The following BLK variants were observed in gnomAD, a reference collection of about 807,000 sequenced individuals.
BLK encodes tyrosine-protein kinase Blk.
Under a neutral mutation model 61.8 loss-of-function variants are expected in BLK, and 64 were observed. The ratio of observed to expected loss-of-function variants is 1.03; its 90% CI spans 0.85 to 1.27. The LOEUF is 1.27. Among genes scored for constraint, BLK ranks in the 50% most tolerant of loss-of-function variants. The pLI is 0.00. For missense variants in BLK, 853 were observed against 660.5 expected, an observed-to-expected ratio of 1.29 and a Z score of -3.19; for synonymous variants, 351 against 272.0, an observed-to-expected ratio of 1.29 and a Z score of -2.86.
At chr8:11,532,427 T>A (rs1799927882) in intron 1 of BLK, among the ~76,000 whole-genome samples, 1 of 150,512 alleles carries the variant, frequency 6.6e-6, no homozygotes, top group African/African-American at 2.4e-5. Flanking sequence ...GCCAGGCTGG[T>A]CTCGAACTCC....
chr8:11,535,520 C>T (rs1467957628), intron 1 of BLK, among the ~76,000 whole-genome samples: 2 of 152,190 alleles, frequency 1.3e-5, no homozygotes, highest in African/African-American at 4.8e-5. Flanking sequence ...GGGAGTGTGC[C>T]TGGTATTTTT....
intron 1 of BLK, among the ~76,000 whole-genome samples, chr8:11,541,016 A>G (rs1210685844): frequency 6.6e-6 from 1 of 152,210 alleles, no homozygotes; most frequent in African/African-American, 2.4e-5. Flanking sequence ...CTGCAATCCC[A>G]GTACTTTGGG....
chr8:11,535,088 G>A (rs1563102038), intron 1 of BLK, among the ~76,000 whole-genome samples: 1 of 151,924 alleles, frequency 6.6e-6, no homozygotes, highest in Non-Finnish European at 1.5e-5. Flanking sequence ...TGAGGTGGGA[G>A]GATCACTTGA....
Position 11,562,969 on chromosome 8 carries a change from T to G in BLK, c.1181-10T>G. 6.2e-7 allele frequency: 1 copy of G among 1,613,948 alleles called. No homozygotes were observed. ...GTGGCCTCCCAAAGCTTGCATGGCT[T>G]TTCCCACAGGGGCCAAGTTCCCCAT... On this transcript the variant is annotated splice_polypyrimidine_tract_variant and intron_variant, in intron 11 of 12. Transcript: ENST00000259089.
At chr8:11,529,555 G>T (rs1009783403) in intron 1 of BLK, among the ~76,000 whole-genome samples, 22 of 152,238 alleles carry the variant, frequency 1.4e-4, no homozygotes, top group African/African-American at 4.6e-4. Flanking sequence ...TGGGGGGTGG[G>T]AGATCAGAAT....
intron 1 of BLK, among the ~76,000 whole-genome samples, chr8:11,539,397 C>G (rs569720418): frequency 6.6e-6 from 1 of 151,732 alleles, no homozygotes; most frequent in Non-Finnish European, 1.5e-5. Context: ...ATTTATTCAA[C>G]AAGTCTTCAA....
chr8:11,525,852 C>G (rs979676938), intron 1 of BLK, among the ~76,000 whole-genome samples: 1 of 152,148 alleles, frequency 6.6e-6, no homozygotes, highest in Non-Finnish European at 1.5e-5. Context: ...TCAAGCGATT[C>G]TCCTGCCTTA....
At chr8:11,543,622 G>C (rs1800489963) in intron 2 of BLK, among the ~76,000 whole-genome samples, 1 of 152,160 alleles carries the variant, frequency 6.6e-6, no homozygotes. Context: ...CGTAAGGAAG[G>C]ATCCGGGTAT....
chr8:11,542,440 G>C (rs565807776), intron 1 of BLK, among the ~76,000 whole-genome samples: 2 of 152,316 alleles, frequency 1.3e-5, no homozygotes, highest in East Asian at 3.9e-4. Flanking sequence ...GGAGTGCAGT[G>C]GTCTCAGGTC....
chr8:11,516,963 T>A lies in BLK; in HGVS notation c.-2+22372T>A, dbSNP rs545886917. Among the ~76,000 whole-genome samples the A allele has an allele frequency of 2.6e-5, 4 of 152,354 alleles. No homozygotes were observed. The East Asian group carries it at 7.7e-4, about 29-fold the overall frequency. The stretch of plus-strand genomic sequence containing the variant: ...CCAGAACTGGCATTGCTGGATCATA[T>A]GGTAATTCTATGTTTAATTTGTCGA... On this transcript the variant is annotated intron_variant, in intron 1 of 12. Transcript: ENST00000259089.
chr8:11,497,445 G>A (rs1269566851), intron 1 of BLK, among the ~76,000 whole-genome samples: 1 of 152,102 alleles, frequency 6.6e-6, no homozygotes, highest in African/African-American at 2.4e-5. Context: ...CAGTCACAGT[G>A]CCCAAGCCCA....
In BLK at chr8:11,531,261, C is replaced by T. The variant is rs148441955; in HGVS notation, c.-1-11963C>T. ...AATGTCCTGCCTGTCTCTGATTTAG[C>T]TATTTCTTTTCTTAATGGTGTTTTT... On this transcript the variant is annotated intron_variant, in intron 1 of 12. Transcript: ENST00000259089. Among the ~76,000 whole-genome samples the T allele has an allele frequency of 3.4e-3, 518 of 152,200 alleles. 1 individual carries two copies. The highest frequency in any genetic ancestry group is 5.2e-3 in the African/African-American group (214 of 41,530).
intron 1 of BLK, among the ~76,000 whole-genome samples, chr8:11,510,725 C>T (rs540963158): frequency 6.6e-6 from 1 of 151,704 alleles, no homozygotes; most frequent in East Asian, 1.9e-4. Context: ...ATATATTATC[C>T]CCGGGATAGC....
intron 1 of BLK, among the ~76,000 whole-genome samples, chr8:11,518,417 C>T (rs1799310685): frequency 6.6e-6 from 1 of 152,198 alleles, no homozygotes; most frequent in South Asian, 2.1e-4. Flanking sequence ...AGACACCCCA[C>T]TGTAGGTGGA....
chr8:11,533,955 G>C (rs527408629), intron 1 of BLK, among the ~76,000 whole-genome samples: 1 of 152,386 alleles, frequency 6.6e-6, no homozygotes, highest in South Asian at 2.1e-4. Flanking sequence ...GTGTTGGCGG[G>C]CCTGCCTTTC....
chr8:11,560,732 G>A (rs1459355931), intron 10 of BLK: 2 of 406,538 alleles, frequency 4.9e-6, no homozygotes, highest in Non-Finnish European at 1.0e-5. Context: ...CAGGCGCTGG[G>A]TGAGGTTCTT....
At chr8:11,525,247 A>G (rs1456360249) in intron 1 of BLK, among the ~76,000 whole-genome samples, 1 of 152,214 alleles carries the variant, frequency 6.6e-6, no homozygotes, top group Non-Finnish European at 1.5e-5. Flanking sequence ...TTGAAAAGGT[A>G]TTTAGACAAC....
At position 11,525,751 on chromosome 8, in the gene BLK, T is replaced by C. The variant is rs143509019; in HGVS notation, c.-1-17473T>C. ...ATGGAGCAGCTTTTGTGGGGTTTTT[T>C]GTTTTTTCTCTGAGACAGAGTCTCA... On this transcript the variant is annotated intron_variant, in intron 1 of 12. Transcript: ENST00000259089. Among the ~76,000 whole-genome samples, 952 of 152,316 alleles carry C rather than the reference T, an allele frequency of 6.3e-3. 3 individuals carry two copies. The highest frequency in any genetic ancestry group is 0.014 in the Middle Eastern group (4 of 294).
At position 11,497,930 on chromosome 8, in the gene BLK, G is replaced by A. The variant is rs138998041; in HGVS notation, c.-2+3339G>A. Among the ~76,000 whole-genome samples the A allele has an allele frequency of 1.6e-4, 25 of 152,292 alleles. No individual in the cohort carries two copies. The East Asian group carries it at 4.6e-3, about 28-fold the overall frequency. On this transcript the variant is annotated intron_variant, in intron 1 of 12. Transcript: ENST00000259089. The stretch of plus-strand genomic sequence containing the variant: ...CTGGGAGTGTGAAGTGGGAGCAGTT[G>A]CACCCACTCTCAAGCACAGACATGA...
Sources: gnomAD v4.1 joint callset for allele counts (sites outside exome capture counted in the v4.1 genomes callset) on GRCh38, gnomAD v4.1.1 for gene constraint, MANE v1.5 for transcripts, NCBI Gene and HGNC (gene_info 2026-07-23, HGNC 2026-07-21) for gene names.